Variants in TUSC3 observed in about 807,000 individuals in gnomAD.
The protein encoded by TUSC3 is dolichyl-diphosphooligosaccharide--protein glycosyltransferase subunit TUSC3.
Under a neutral mutation model 44.8 loss-of-function variants are expected in TUSC3, and 45 were observed. The ratio of observed to expected loss-of-function variants is 1.00; its 90% CI spans 0.79 to 1.29. The LOEUF is 1.29. Among genes scored for constraint, TUSC3 ranks in the 50% most tolerant of loss-of-function variants. The pLI is 0.00. For synonymous variants in TUSC3, 212 were observed against 152.9 expected (o/e 1.39, Z -2.85); for missense variants, 519 against 437.9 (o/e 1.19, Z -1.65).
chr8:15,493,146 G>A (rs1014355083), intron 2 of TUSC3, among the ~76,000 whole-genome samples: 8 of 152,184 alleles, frequency 5.3e-5, no homozygotes, highest in Middle Eastern at 3.2e-3. Context: ...GTGTTATTGA[G>A]TAACTTATCC....
intron 2 of TUSC3, among the ~76,000 whole-genome samples, chr8:15,636,088 G>A (rs1239050959): frequency 6.6e-6 from 1 of 152,128 alleles, no homozygotes; most frequent in Admixed American, 6.6e-5. Context: ...GTCTTGGTCA[G>A]GACTATGAGG....
intron 6 of TUSC3, among the ~76,000 whole-genome samples, chr8:15,676,189 A>G (rs1808182260): frequency 6.6e-6 from 1 of 152,148 alleles, no homozygotes; most frequent in African/African-American, 2.4e-5. Flanking sequence ...ATTAGAAATT[A>G]AATGTATGTA....
chr8:15,695,209 C>T (rs1809108233), intron 6 of TUSC3, among the ~76,000 whole-genome samples: 1 of 152,186 alleles, frequency 6.6e-6, no homozygotes, highest in African/African-American at 2.4e-5. Context: ...TGAATTTTAA[C>T]TCCCACGGTT....
intron 1 of TUSC3, among the ~76,000 whole-genome samples, chr8:15,422,950 A>C (rs985767964): frequency 3.3e-5 from 5 of 152,098 alleles, no homozygotes; most frequent in African/African-American, 1.2e-4. Flanking sequence ...CCCAGTATTA[A>C]TTCACTTAAT....
intron 2 of TUSC3, among the ~76,000 whole-genome samples, chr8:15,518,101 T>G (rs531636017): frequency 6.6e-6 from 1 of 152,142 alleles, no homozygotes; most frequent in Non-Finnish European, 1.5e-5. Flanking sequence ...AGCCTGTAGA[T>G]TTCATATAAA....
intron 1 of TUSC3, among the ~76,000 whole-genome samples, chr8:15,606,384 G>A (rs1300136262): frequency 2.6e-5 from 4 of 151,942 alleles, no homozygotes; most frequent in Non-Finnish European, 5.9e-5. Context: ...TATGTTATTG[G>A]TAAGGCTTCT....
chr8:15,608,831 C>T (rs1239862129), intron 1 of TUSC3, among the ~76,000 whole-genome samples: 1 of 152,130 alleles, frequency 6.6e-6, no homozygotes, highest in Non-Finnish European at 1.5e-5. Flanking sequence ...TTATAAATTA[C>T]CCAGTCTTGG....
chr8:15,489,654 A>G (rs1315861749), intron 2 of TUSC3, among the ~76,000 whole-genome samples: 2 of 152,176 alleles, frequency 1.3e-5, no homozygotes, highest in East Asian at 3.9e-4. Context: ...GGAATTTGGT[A>G]TCTCACTGCC....
the TUSC3 span, among the ~76,000 whole-genome samples, chr8:15,780,253 C>T: frequency 6.6e-6 from 1 of 152,122 alleles, no homozygotes; most frequent in African/African-American, 2.4e-5. Flanking sequence ...AGCTGAGGCA[C>T]ACTTGGGCAT....
intron 6 of TUSC3, among the ~76,000 whole-genome samples, chr8:15,721,195 A>C (rs750954809): frequency 6.6e-6 from 1 of 152,096 alleles, no homozygotes; most frequent in Admixed American, 6.6e-5. Context: ...GAGTGGTTAC[A>C]TAGCTTTCCT....
At chr8:15,418,734 A>T (rs1197010353) in intron 1 of TUSC3, among the ~76,000 whole-genome samples, 1 of 152,218 alleles carries the variant, frequency 6.6e-6, no homozygotes, top group Non-Finnish European at 1.5e-5. Flanking sequence ...GGCCAGGCAC[A>T]GTGGCTCATG....
At chr8:15,812,197 CAAAT>C in the TUSC3 span, among the ~76,000 whole-genome samples, 1 of 152,106 alleles carries the variant, frequency 6.6e-6, no homozygotes, top group African/African-American at 2.4e-5. Context: ...ATCCTATAAA[CAAAT>C]AAGTACTCAA....
At position 15,550,110 on chromosome 8, in the gene TUSC3, A is replaced by G. The variant is rs147492962; in HGVS notation, c.138+9542A>G. Among the ~76,000 whole-genome samples, 119 of 151,896 alleles carry G rather than the reference A, an allele frequency of 7.8e-4. 3 individuals are homozygous for G. The East Asian group carries it at 9.8e-3, about 12-fold the overall frequency. ...ACAGAACAGGACAGGGATTTTCACAATGCTTTTCCATACAATGTCTGTAAT... is the reference window on the plus strand; with the variant it reads ...ACAGAACAGGACAGGGATTTTCACAGTGCTTTTCCATACAATGTCTGTAAT... On this transcript the variant is annotated intron_variant, in intron 1 of 10. Coordinates refer to ENST00000503731, the MANE Select transcript of TUSC3 (RefSeq NM_006765.4).
chr8:15,586,536 C>T (rs180714718), intron 1 of TUSC3, among the ~76,000 whole-genome samples: 19 of 152,100 alleles, frequency 1.2e-4, no homozygotes, highest in Admixed American at 3.3e-4. Context: ...TAAAGAGGGT[C>T]GCATTACCTC....
intron 1 of TUSC3, among the ~76,000 whole-genome samples, chr8:15,440,971 T>C (rs1413385183): frequency 6.6e-6 from 1 of 152,222 alleles, no homozygotes; most frequent in East Asian, 1.9e-4. Context: ...TTCATAGATG[T>C]AGAGGTGCTG....
intron 1 of TUSC3, among the ~76,000 whole-genome samples, chr8:15,422,365 A>G (rs1249579205): frequency 6.6e-6 from 1 of 152,148 alleles, no homozygotes; most frequent in Non-Finnish European, 1.5e-5. Flanking sequence ...CTATCACTTT[A>G]TAACACGTCT....
chr8:15,636,511 G>A (rs780581827), intron 2 of TUSC3, among the ~76,000 whole-genome samples: 2 of 152,110 alleles, frequency 1.3e-5, no homozygotes, highest in Non-Finnish European at 2.9e-5. Flanking sequence ...GGTCTTGTGA[G>A]GCAGTTGCCA....
intron 1 of TUSC3, among the ~76,000 whole-genome samples, chr8:15,452,796 C>A (rs1433047297): frequency 6.6e-6 from 1 of 152,182 alleles, no homozygotes; most frequent in Non-Finnish European, 1.5e-5. Flanking sequence ...AGCCCAAGAA[C>A]CATCCTATAA....
chr8:15,676,213 A>G (rs767949700), intron 6 of TUSC3, among the ~76,000 whole-genome samples: 10 of 152,162 alleles, frequency 6.6e-5, no homozygotes, highest in Non-Finnish European at 1.2e-4. Context: ...AAATTATTAG[A>G]AATTAAATGT....
Sources: allele counts gnomAD v4.1 joint callset (sites outside exome capture counted in the v4.1 genomes callset), GRCh38; gene constraint gnomAD v4.1.1; transcripts MANE v1.5; gene names NCBI Gene and HGNC (gene_info 2026-07-23, HGNC 2026-07-21).